NRXN3: variants seen among roughly 807,000 people sequenced by gnomAD.
NRXN3 encodes the protein neurexin 3, also known as neurexin III.
A neutral mutation model predicts 137.6 loss-of-function variants in NRXN3; 32 were observed. The observed-to-expected ratio is 0.23, with a 90% CI of 0.18 to 0.31. NRXN3 has a LOEUF of 0.31. Among genes scored for constraint, NRXN3 ranks in the 10% least tolerant of loss-of-function variants. The probability of loss-of-function intolerance (pLI) is 1.00; values close to 1 mark genes in which losing one functional copy is unlikely to be tolerated. For synonymous variants in NRXN3, 798 were observed against 784.5 expected, an observed-to-expected ratio of 1.02 and a Z score of -0.29; for missense variants, 1,574 against 2,062.5, an observed-to-expected ratio of 0.76 and a Z score of 4.59.
At chr14:78,780,771 C>T (rs2098766347) in intron 8 of NRXN3, among the ~76,000 whole-genome samples, 1 of 152,082 alleles carries the variant, frequency 6.6e-6, no homozygotes, top group Admixed American at 6.6e-5. Context: ...CTTCAAACCA[C>T]CAGAGTAGCA....
intron 15 of NRXN3, among the ~76,000 whole-genome samples, chr14:79,136,768 T>C (rs934081915): frequency 1.3e-5 from 2 of 152,180 alleles, no homozygotes; most frequent in African/African-American, 4.8e-5. Context: ...TTGGCAAGAA[T>C]AGAAAAGGAA....
intron 15 of NRXN3, among the ~76,000 whole-genome samples, chr14:79,174,661 T>A (rs1290606409): frequency 6.6e-6 from 1 of 150,932 alleles, no homozygotes; most frequent in Non-Finnish European, 1.5e-5. Flanking sequence ...AAAGATTAAG[T>A]AAATGTTCAC....
intron 6 of NRXN3, among the ~76,000 whole-genome samples, chr14:78,652,245 GCTT>G (rs999851426): frequency 3.9e-5 from 6 of 152,246 alleles, no homozygotes; most frequent in East Asian, 1.9e-4. Flanking sequence ...TTTTTCCTTT[GCTT>G]CTTCTTCTTC....
intron 15 of NRXN3, among the ~76,000 whole-genome samples, chr14:79,171,633 T>G (rs1341368589): frequency 6.6e-6 from 1 of 152,300 alleles, no homozygotes; most frequent in African/African-American, 2.4e-5. Context: ...TGCTTTAAAA[T>G]ATATGCCTGA....
chr14:78,802,781 A>T (rs1466874551), intron 8 of NRXN3, among the ~76,000 whole-genome samples: 1 of 152,072 alleles, frequency 6.6e-6, no homozygotes, highest in Non-Finnish European at 1.5e-5. Flanking sequence ...ACCCATCTCT[A>T]CAAAATATCT....
chr14:79,364,790 C>T (rs1436575885), intron 15 of NRXN3, among the ~76,000 whole-genome samples: 2 of 152,082 alleles, frequency 1.3e-5, no homozygotes, highest in East Asian at 1.9e-4. Flanking sequence ...TCCTAGAGTT[C>T]ATAAATCTTC....
chr14:79,492,306 C>A (rs1233111389), intron 16 of NRXN3, among the ~76,000 whole-genome samples: 1 of 152,000 alleles, frequency 6.6e-6, no homozygotes, highest in African/African-American at 2.4e-5. Context: ...TCAATAGGTC[C>A]CTATTCTCCA....
intron 18 of NRXN3, among the ~76,000 whole-genome samples, chr14:79,696,105 T>C (rs768676398): frequency 3.3e-5 from 5 of 151,990 alleles, no homozygotes; most frequent in African/African-American, 4.8e-5. Flanking sequence ...TTCTCTTCTC[T>C]GCCACTTCCA....
At chr14:78,445,237 C>T (rs908977080) in intron 4 of NRXN3, among the ~76,000 whole-genome samples, 3 of 152,132 alleles carry the variant, frequency 2.0e-5, no homozygotes, top group African/African-American at 4.8e-5. Context: ...CAGCATAGCA[C>T]GTCTTCCTGT....
intron 15 of NRXN3, among the ~76,000 whole-genome samples, chr14:79,066,073 C>G (rs141783075): frequency 6.6e-6 from 1 of 152,110 alleles, no homozygotes; most frequent in Admixed American, 6.6e-5. Flanking sequence ...TTGCCCACGC[C>G]TAATTCCTGA....
intron 6 of NRXN3, among the ~76,000 whole-genome samples, chr14:78,679,173 C>A (rs903015474): frequency 6.6e-6 from 1 of 152,114 alleles, no homozygotes; most frequent in African/African-American, 2.4e-5. Context: ...ATTTTTTACC[C>A]ACTGTAGGCT....
At chr14:79,320,385 AG>A (rs2089770910) in intron 15 of NRXN3, among the ~76,000 whole-genome samples, 1 of 152,220 alleles carries the variant, frequency 6.6e-6, no homozygotes, top group African/African-American at 2.4e-5. Context: ...ACAGTTGGCC[AG>A]GGCCTCATGT....
chr14:78,447,951 T>C (rs555302330), intron 4 of NRXN3, among the ~76,000 whole-genome samples: 65 of 152,356 alleles, frequency 4.3e-4, no homozygotes, highest in African/African-American at 1.5e-3. Flanking sequence ...CCTGACATGC[T>C]CTGTTCAAAG....
At chr14:78,273,533 T>C (rs1248485678) in intron 2 of NRXN3, among the ~76,000 whole-genome samples, 2 of 152,186 alleles carry the variant, frequency 1.3e-5, no homozygotes, top group African/African-American at 4.8e-5. Context: ...ACTCCTTGCC[T>C]TGCTGCCTCC....
chr14:79,055,538 C>T (rs1054629986), intron 15 of NRXN3, among the ~76,000 whole-genome samples: 1 of 152,102 alleles, frequency 6.6e-6, no homozygotes, highest in Non-Finnish European at 1.5e-5. Context: ...TAGAGGAAAA[C>T]ATCTAAGGTC....
intron 19 of NRXN3, among the ~76,000 whole-genome samples, chr14:79,707,403 T>C (rs2098784943): frequency 6.6e-6 from 1 of 152,154 alleles, no homozygotes; most frequent in African/African-American, 2.4e-5. Context: ...TCAGGAGACT[T>C]AGCTCATGAC....
chr14:79,196,312 T>C (rs1468903484), intron 15 of NRXN3, among the ~76,000 whole-genome samples: 3 of 152,142 alleles, frequency 2.0e-5, no homozygotes, highest in Non-Finnish European at 4.4e-5. Context: ...TGGCTCACAG[T>C]TCTGGAGGCT....
chr14:79,672,010 C>A (rs1322123941), intron 17 of NRXN3, among the ~76,000 whole-genome samples: 1 of 151,960 alleles, frequency 6.6e-6, no homozygotes, highest in African/African-American at 2.4e-5. Context: ...CACAAAGGAG[C>A]TTTTTATAAT....
intron 1 of NRXN3, among the ~76,000 whole-genome samples, chr14:78,176,025 C>T (rs764932703): frequency 2.0e-5 from 3 of 152,094 alleles, no homozygotes; most frequent in Non-Finnish European, 4.4e-5. Flanking sequence ...TTTCCTGACA[C>T]GTAGTAGGTG....
Sources: gnomAD v4.1 joint callset for allele counts (sites outside exome capture counted in the v4.1 genomes callset) on GRCh38, gnomAD v4.1.1 for gene constraint, MANE v1.5 for transcripts, NCBI Gene and HGNC (gene_info 2026-07-23, HGNC 2026-07-21) for gene names.